ZNF627: variants seen among roughly 807,000 people sequenced by gnomAD.
ZNF627 encodes zinc finger protein 627.
In ZNF627, 12 loss-of-function variants were observed where a neutral mutation model predicts 10.6. The observed-to-expected ratio is 1.13, with a 90% CI of 0.73 to 1.84. The LOEUF (loss-of-function observed/expected upper bound fraction) is 1.84. Among genes scored for constraint, ZNF627 ranks in the 40% most tolerant of loss-of-function variants. ZNF627 has a pLI of 0.00. For synonymous variants in ZNF627, 176 were observed against 187.1 expected (o/e 0.94, Z 0.48); for missense variants, 504 against 568.4 (o/e 0.89, Z 1.15).
At chr19:11,610,609 A>G (rs1973757212) in intron 1 of ZNF627, among the ~76,000 whole-genome samples, 1 of 152,096 alleles carries the variant, frequency 6.6e-6, no homozygotes, top group Non-Finnish European at 1.5e-5. Flanking sequence ...TCTAAAAACA[A>G]CAACAAAACC....
In ZNF627 at chr19:11,609,469, TTTTA is replaced by T. The variant is rs1160633062; in HGVS notation, c.4-5056_4-5053del. 3.3e-3 allele frequency among the ~76,000 whole-genome samples: 388 copies of T among 115,826 alleles called. 7 individuals carry two copies. The highest frequency in any genetic ancestry group is 0.011 in the African/African-American group (367 of 32,812). The allele number at this position is 115,826 out of a possible 152,430, so 76.0% of individuals were successfully genotyped here. A position where few individuals can be genotyped will look rare whatever the true frequency, so the allele number is the denominator to read the frequency against. Reference sequence around the variant, plus strand: ...ACTTCCTGGGTAGTCTTTTAAAAAATTTTATATATATATATATATATATATATAT... The same window carrying T: ...ACTTCCTGGGTAGTCTTTTAAAAAATTATATATATATATATATATATATAT... On this transcript the variant is annotated intron_variant, in intron 1 of 3. Transcript: ENST00000361113.
intron 1 of ZNF627, among the ~76,000 whole-genome samples, chr19:11,606,602 C>G (rs12976914): frequency 0.4 from 60,514 of 152,020 alleles, 12,511 homozygotes; most frequent in Non-Finnish European, 0.46. Context: ...CTCTACTAGG[C>G]AGTGCCACAG....
At position 11,607,227 on chromosome 19, in the gene ZNF627, C is replaced by A. The variant is rs376017631; in HGVS notation, c.4-7300C>A. On this transcript the variant is annotated intron_variant, in intron 1 of 3. Coordinates refer to ENST00000361113, the MANE Select transcript of ZNF627 (RefSeq NM_145295.4). ...TCTTGGCTCACTACAACCTCCACCT[C>A]CCAGGATCAAGCGATTCTCCTGCCT... 2.0e-5 allele frequency among the ~76,000 whole-genome samples: 3 copies of A among 152,270 alleles called. No homozygotes were observed. In the East Asian group the frequency reaches 5.8e-4, roughly 29 times the overall value.
At chr19:11,607,927 C>A (rs571798718) in intron 1 of ZNF627, among the ~76,000 whole-genome samples, 1 of 152,146 alleles carries the variant, frequency 6.6e-6, no homozygotes, top group Non-Finnish European at 1.5e-5. Context: ...CAGAGCACCC[C>A]GCTACCCAGT....
intron 1 of ZNF627, 62 bp from the exon 2 acceptor site, chr19:11,614,465 A>C: frequency 1.2e-6 from 2 of 1,600,808 alleles, no homozygotes; most frequent in East Asian, 4.5e-5. Flanking sequence ...TTGGGAATAA[A>C]GTCTAGGCCC....
chr19:11,615,149 T>G (rs1973844742), intron 3 of ZNF627, among the ~76,000 whole-genome samples: 1 of 151,380 alleles, frequency 6.6e-6, no homozygotes, highest in Non-Finnish European at 1.5e-5. Flanking sequence ...GGTTTCACCA[T>G]GTTGGCCAGG....
In ZNF627 at chr19:11,597,642, G is replaced by A. The variant is rs568839486; in HGVS notation, c.3+12G>A. 6 of 1,336,700 alleles carry A rather than the reference G, an allele frequency of 4.5e-6. No homozygotes were observed. The South Asian group carries it at 8.1e-5, about 18-fold the overall frequency. The allele number at this position is 1,336,700 out of a possible 1,614,324, so 82.8% of individuals were successfully genotyped here. On this transcript the variant is annotated intron_variant, in intron 1 of 3. Transcript: ENST00000361113. ...GAAGCCGAGAAATGGTGCGTGTGAG[G>A]GGTCAGGCGTCCCCAGACCTGGGGG...
intron 1 of ZNF627, among the ~76,000 whole-genome samples, chr19:11,602,320 T>C (rs1186898854): frequency 1.3e-5 from 2 of 152,152 alleles, no homozygotes; most frequent in East Asian, 1.9e-4. Flanking sequence ...AGCTAATCAA[T>C]TGTGAGGAAA....
chr19:11,616,671 T>C lies in ZNF627; in HGVS notation c.192-24T>C, dbSNP rs752404420. ...TCATTTATAAACAAAACATTAATAA[T>C]GTACTTCTCATTTTTCTGACAAGTC... On this transcript the variant is annotated intron_variant, in intron 3 of 3. Coordinates refer to ENST00000361113, the MANE Select transcript of ZNF627 (RefSeq NM_145295.4). 5 of 1,435,680 alleles carry C rather than the reference T, an allele frequency of 3.5e-6. No homozygotes were observed. In the Admixed American group the frequency reaches 6.6e-5, roughly 19 times the overall value. The allele number at this position is 1,435,680 out of a possible 1,614,324, so 88.9% of individuals were successfully genotyped here. A position where few individuals can be genotyped will look rare whatever the true frequency, so the allele number is the denominator to read the frequency against.
At chr19:11,615,332 G>A (rs1284954759) in intron 3 of ZNF627, among the ~76,000 whole-genome samples, 1 of 150,624 alleles carries the variant, frequency 6.6e-6, no homozygotes, top group Admixed American at 6.6e-5. Flanking sequence ...CAGGCATGGT[G>A]ACTCACGCCT....
At chr19:11,605,579 T>C (rs1174516562) in intron 1 of ZNF627, among the ~76,000 whole-genome samples, 1 of 152,018 alleles carries the variant, frequency 6.6e-6, no homozygotes, top group Admixed American at 6.6e-5. Flanking sequence ...GGAAGCCCAT[T>C]ATAAAACCAG....
Position 11,617,000 on chromosome 19 carries a change from C to G in ZNF627, c.497C>G (p.Pro166Arg). The part of the protein sequence containing the change: ...VRERTHPGGK[P>R]YDCKECGETF... ...GAAAGGACTCATCCTGGAGGAAAGC[C>G]CTATGATTGTAAGGAATGTGGAGAA... is the stretch of plus-strand genomic sequence containing the variant. The change falls in exon 4 of 4, where the codon CCC (proline) becomes CGC (arginine). Residue 166 changes from proline to arginine, a missense_variant. Transcript: ENST00000361113. The G allele has an allele frequency of 6.2e-7, 1 of 1,614,092 alleles. No individual in the cohort carries two copies. Among genetic ancestry groups the G allele is most frequent in the Non-Finnish European group, 8.5e-7 (1 of 1,180,010 alleles).
intron 3 of ZNF627, 29 bp from the exon 4 acceptor site, chr19:11,616,666 A>T: frequency 7.2e-7 from 1 of 1,397,246 alleles, no homozygotes; most frequent in Non-Finnish European, 9.7e-7. Flanking sequence ...ACAAAACATT[A>T]ATAATGTACT....
chr19:11,618,012 T>C lies in ZNF627; in HGVS notation c.*123T>C. 2.4e-6 allele frequency: 2 copies of C among 832,382 alleles called. No individual in the cohort carries two copies. The highest frequency in any genetic ancestry group is 3.5e-6 in the Non-Finnish European group (2 of 567,128). The allele number at this position is 832,382 out of a possible 1,614,324, so 51.6% of individuals were successfully genotyped here. ...AGTGGAGAAAGACCCTGTAAGATAA[T>C]TGGCTTTAAATTACGAGAGACTTGT... On this transcript the variant is annotated 3_prime_UTR_variant, in exon 4 of 4. Transcript: ENST00000361113.
intron 1 of ZNF627, among the ~76,000 whole-genome samples, chr19:11,609,736 C>T (rs1408831660): frequency 2.0e-5 from 3 of 151,540 alleles, no homozygotes; most frequent in Admixed American, 6.6e-5. Context: ...ACCAGGCTGG[C>T]CTCTAACTCC....
At chr19:11,601,194 C>T (rs1973578485) in intron 1 of ZNF627, among the ~76,000 whole-genome samples, 1 of 152,162 alleles carries the variant, frequency 6.6e-6, no homozygotes, top group South Asian at 2.1e-4. Context: ...AGCTCAGAGC[C>T]CTGGAAAGCT....
rs76161418 is a variant in ZNF627 at position 11,602,221 on chromosome 19, G to A, written c.3+4591G>A. Among the ~76,000 whole-genome samples, 1,006 of 152,136 alleles carry A rather than the reference G, an allele frequency of 6.6e-3. 13 individuals carry two copies. Among genetic ancestry groups the A allele is most frequent in the African/African-American group, 0.023 (959 of 41,494 alleles). ...AGGCTCAGGCTGGGGGTGGGTCAAA[G>A]TTCAGGGGCTGGAGGAAGAAGAGAA... is the stretch of plus-strand genomic sequence containing the variant. On this transcript the variant is annotated intron_variant, in intron 1 of 3. Transcript: ENST00000361113.
chr19:11,612,270 G>A (rs537907048), intron 1 of ZNF627, among the ~76,000 whole-genome samples: 6 of 151,230 alleles, frequency 4.0e-5, no homozygotes, highest in African/African-American at 9.7e-5. Flanking sequence ...ACAGGCGTCC[G>A]CCACCACGCC....
chr19:11,607,584 C>A (rs1233380367), intron 1 of ZNF627, among the ~76,000 whole-genome samples: 1 of 152,190 alleles, frequency 6.6e-6, no homozygotes, highest in Non-Finnish European at 1.5e-5. Context: ...ATCTCTAGGG[C>A]AGGGGCAAAA....
Sources: gnomAD v4.1 joint callset for allele counts (sites outside exome capture counted in the v4.1 genomes callset) on GRCh38, gnomAD v4.1.1 for gene constraint, MANE v1.5 for transcripts, NCBI Gene and HGNC (gene_info 2026-07-23, HGNC 2026-07-21) for gene names.